The following FANCI variants were observed in gnomAD, a reference collection of about 807,000 sequenced individuals.
FANCI encodes the protein FA complementation group I.
Under a neutral mutation model 176.1 loss-of-function variants are expected in FANCI, and 156 were observed. That is an observed-to-expected ratio of 0.89 (90% confidence interval 0.78 to 1.01). The LOEUF is 1.01. Ranked by LOEUF, FANCI falls within the 50% of genes least tolerant of loss-of-function variation. The probability of loss-of-function intolerance (pLI) is 0.00; values close to 1 mark genes in which losing one functional copy is unlikely to be tolerated. For missense variants in FANCI, 1,678 were observed against 1,534.1 expected (o/e 1.09, Z -1.57); for synonymous variants, 613 against 541.7 (o/e 1.13, Z -1.83).
At chr15:89,310,550 C>T (rs1347424717) in intron 34 of FANCI, among the ~76,000 whole-genome samples, 1 of 152,230 alleles carries the variant, frequency 6.6e-6, no homozygotes, top group Non-Finnish European at 1.5e-5. Flanking sequence ...TAAAGCCTTA[C>T]TGACAAGTCA....
At position 89,300,660 on chromosome 15, in the gene FANCI, A is replaced by G. The variant is rs116655082; in HGVS notation, c.2889+275A>G. Among the ~76,000 whole-genome samples the G allele has an allele frequency of 0.011, 1,687 of 152,366 alleles. 30 individuals are homozygous for G. The highest frequency in any genetic ancestry group is 0.038 in the African/African-American group (1,598 of 41,586). On this transcript the variant is annotated intron_variant, in intron 26 of 37. Transcript: ENST00000310775. ...GTAAACAGAAAGGAGTCTTCAAGGC[A>G]TAGAGTCTGTGTTTTTGTTTTCTGA... is the stretch of plus-strand genomic sequence containing the variant.
intron 10 of FANCI, among the ~76,000 whole-genome samples, chr15:89,270,689 A>G (rs1193537140): frequency 6.6e-6 from 1 of 152,134 alleles, no homozygotes; most frequent in Non-Finnish European, 1.5e-5. Context: ...TTTTAAATTC[A>G]ATGTACTTAT....
At chr15:89,253,552 T>C (rs904780486) in intron 2 of FANCI, among the ~76,000 whole-genome samples, 4 of 148,834 alleles carry the variant, frequency 2.7e-5, no homozygotes, top group East Asian at 3.9e-4. Context: ...AATAAGTATA[T>C]GTTAGAAGAA....
chr15:89,244,861 T>C (rs2051874795), intron 1 of FANCI, among the ~76,000 whole-genome samples: 1 of 152,248 alleles, frequency 6.6e-6, no homozygotes, highest in South Asian at 2.1e-4. Flanking sequence ...GGGAGTCATG[T>C]TAATGAATGT....
rs1198904490 is a variant in FANCI at position 89,292,925 on chromosome 15, T to C, written c.2170-17T>C. 1 of 1,614,174 alleles carries C rather than the reference T, an allele frequency of 6.2e-7. No homozygotes were observed. The stretch of plus-strand genomic sequence containing the variant: ...AGTTCTTTAGTAGCTTGTTAATTTT[T>C]ATCTTGTGTCTTTTAGGATAAATCA... On this transcript the variant is annotated splice_polypyrimidine_tract_variant and intron_variant, in intron 21 of 37. Transcript: ENST00000310775.
At chr15:89,265,007 A>C (rs907806618) in intron 9 of FANCI, among the ~76,000 whole-genome samples, 1 of 152,224 alleles carries the variant, frequency 6.6e-6, no homozygotes, top group African/African-American at 2.4e-5. Context: ...AGGTAATTCA[A>C]ATGGATGATC....
intron 14 of FANCI, 110 bp from the exon 15 acceptor site, chr15:89,281,060 C>G (rs1405658783): frequency 1.8e-6 from 2 of 1,130,858 alleles, no homozygotes; most frequent in East Asian, 2.5e-5. Flanking sequence ...GTATACTTGA[C>G]TTATTTGAGA....
At chr15:89,282,221 A>G in intron 16 of FANCI, 1 of 251,732 alleles carries the variant, frequency 4.0e-6, no homozygotes, top group Non-Finnish European at 7.9e-6. Context: ...GTAATGTTCT[A>G]GTGTCAAATA....
chr15:89,282,235 T>C (rs570615685), intron 16 of FANCI: 1 of 212,638 alleles, frequency 4.7e-6, no homozygotes, highest in East Asian at 1.1e-4. Flanking sequence ...TCAAATACTC[T>C]GAAACCTGAG....
intron 13 of FANCI, 136 bp downstream of exon 13, chr15:89,277,027 A>T (rs2053434943): frequency 3.5e-6 from 3 of 850,678 alleles, no homozygotes; most frequent in Admixed American, 3.8e-5. Context: ...GACAGAGATT[A>T]GGATAATATT....
chr15:89,295,798 G>A (rs1003314373), intron 24 of FANCI, among the ~76,000 whole-genome samples: 3 of 139,864 alleles, frequency 2.1e-5, no homozygotes, highest in African/African-American at 8.2e-5. Context: ...TTTTTTGAGA[G>A]AGTCTCGCTC....
At position 89,289,360 on chromosome 15, in the gene FANCI, C is replaced by T. The variant is rs148681165; in HGVS notation, c.1822-853C>T. On this transcript the variant is annotated intron_variant, in intron 18 of 37. Coordinates refer to ENST00000310775, the MANE Select transcript of FANCI (RefSeq NM_001113378.2). ...TTGCCCAGACTGGAATGCAGTGGTG[C>T]GGTCTCGGGTCTCAGCTCACCACAA... Among the ~76,000 whole-genome samples, 571 of 152,064 alleles carry T rather than the reference C, an allele frequency of 3.8e-3. 5 individuals carry two copies. Among genetic ancestry groups the T allele is most frequent in the Middle Eastern group, 0.017 (5 of 294 alleles).
At chr15:89,285,413 G>T (rs2053776212) in intron 18 of FANCI, among the ~76,000 whole-genome samples, 195 bp downstream of exon 18, 1 of 152,154 alleles carries the variant, frequency 6.6e-6, no homozygotes, top group Non-Finnish European at 1.5e-5. Context: ...CCAACACCTT[G>T]TGAGGCCAAG....
At chr15:89,306,750 T>C (rs939069445) in intron 32 of FANCI, among the ~76,000 whole-genome samples, 1 of 152,180 alleles carries the variant, frequency 6.6e-6, no homozygotes, top group African/African-American at 2.4e-5. Flanking sequence ...CTTTGGCATG[T>C]ATGTGGCACC....
chr15:89,287,534 C>G (rs2053867463), intron 18 of FANCI, among the ~76,000 whole-genome samples: 1 of 152,038 alleles, frequency 6.6e-6, no homozygotes, highest in South Asian at 2.1e-4. Flanking sequence ...ACTGGAATAG[C>G]ACTTTAAATT....
At chr15:89,287,327 C>T (rs965279794) in intron 18 of FANCI, among the ~76,000 whole-genome samples, 4 of 152,184 alleles carry the variant, frequency 2.6e-5, no homozygotes, top group African/African-American at 9.6e-5. Context: ...CATGAACCAA[C>T]CTCTGCTCGC....
chr15:89,310,976 A>T (rs574602620), intron 34 of FANCI, among the ~76,000 whole-genome samples: 142 of 152,172 alleles, frequency 9.3e-4, no homozygotes, highest in Admixed American at 2.8e-3. Flanking sequence ...TACAAAAAAT[A>T]GCAGGGCACG....
Position 89,306,009 on chromosome 15 carries a change from G to A in FANCI, c.3352G>A (p.Glu1118Lys). The change falls in exon 32 of 38, where the codon GAG becomes AAG. Residue 1118 changes from glutamate to lysine, a missense_variant and splice_region_variant. Physicochemically the swap from Glu to Lys is moderately conservative, Grantham distance 56. Coordinates refer to ENST00000310775, the MANE Select transcript of FANCI (RefSeq NM_001113378.2). ...GQVSQETLSE[E>K]ASSQATLPNQ... ...GTGCCAATTTTATTTCCCTTTAGAA[G>A]AGGCCTCTTCTCAGGCAACCCTACC... is the stretch of plus-strand genomic sequence containing the variant. 6.2e-7 allele frequency: 1 copy of A among 1,614,170 alleles called. No homozygotes were observed. Among genetic ancestry groups the A allele is most frequent in the South Asian group, 1.1e-5 (1 of 91,082 alleles).
intron 34 of FANCI, among the ~76,000 whole-genome samples, chr15:89,310,067 A>G (rs1231970085): frequency 6.6e-6 from 1 of 152,244 alleles, no homozygotes; most frequent in Non-Finnish European, 1.5e-5. Flanking sequence ...CAGAATGCCC[A>G]AGAACAGACC....
Sources: allele counts gnomAD v4.1 joint callset (sites outside exome capture counted in the v4.1 genomes callset), GRCh38; gene constraint gnomAD v4.1.1; transcripts MANE v1.5; gene names NCBI Gene and HGNC (gene_info 2026-07-23, HGNC 2026-07-21).